The following MATN2 variants were observed in gnomAD, a reference collection of about 807,000 sequenced individuals.
The protein encoded by MATN2 is matrilin-2.
A neutral mutation model predicts 103.2 loss-of-function variants in MATN2; 69 were observed. The observed-to-expected ratio is 0.67, with a 90% confidence interval of 0.55 to 0.82. MATN2 has a LOEUF of 0.82. Ranked by LOEUF, MATN2 falls within the 40% of genes least tolerant of loss-of-function variation. The pLI is 0.00. For missense variants in MATN2, 1,023 were observed against 1,211.5 expected (o/e 0.84, Z 2.31); for synonymous variants, 429 against 450.2 (o/e 0.95, Z 0.60).
chr8:97,953,069 T>A (rs1274764089), intron 4 of MATN2, among the ~76,000 whole-genome samples: 2 of 151,944 alleles, frequency 1.3e-5, no homozygotes, highest in South Asian at 2.1e-4. Flanking sequence ...ACTACAGGTG[T>A]GTGCCACTGT....
chr8:97,964,459 T>C (rs1811420294), intron 5 of MATN2, among the ~76,000 whole-genome samples: 1 of 149,848 alleles, frequency 6.7e-6, no homozygotes, highest in African/African-American at 2.4e-5. Context: ...TTTTTTTTTT[T>C]TTTCTTTTTT....
At chr8:97,909,454 T>G (rs940229780) in intron 2 of MATN2, among the ~76,000 whole-genome samples, 10 of 152,222 alleles carry the variant, frequency 6.6e-5, no homozygotes, top group South Asian at 2.1e-4. Context: ...TCTTTTTCCC[T>G]GCTCCAGCTC....
At chr8:97,974,139 T>G (rs908151494) in intron 5 of MATN2, among the ~76,000 whole-genome samples, 1 of 152,150 alleles carries the variant, frequency 6.6e-6, no homozygotes, top group African/African-American at 2.4e-5. Flanking sequence ...GGTTTTTATT[T>G]TATTTATTTA....
intron 1 of MATN2, among the ~76,000 whole-genome samples, chr8:97,874,257 G>T (rs4551320): frequency 0.089 from 13,540 of 152,172 alleles, 730 homozygotes; most frequent in East Asian, 0.17. Flanking sequence ...TCAGCAGGGA[G>T]AATTTGTTCC....
intron 10 of MATN2, among the ~76,000 whole-genome samples, chr8:98,016,240 G>C (rs150953696): frequency 3.3e-4 from 50 of 152,278 alleles, no homozygotes; most frequent in African/African-American, 1.2e-3. Flanking sequence ...TGGTGTGGTG[G>C]TGCACGCTTG....
intron 1 of MATN2, among the ~76,000 whole-genome samples, chr8:97,885,372 C>T (rs1023560662): frequency 7.3e-5 from 11 of 151,692 alleles, no homozygotes; most frequent in African/African-American, 1.7e-4. Context: ...CCCAGCTACT[C>T]GGGAGGCTTG....
chr8:97,941,899 A>G lies in MATN2; in HGVS notation c.835A>G (p.Ile279Val), dbSNP rs1810582031. ...CAACTCGGATCAGACGACTTGCAGA[A>G]GTAAGATTGCTTTGCTGATGTATTT... ...ILNSDQTTCR[I>V]QDLCAMEDHN... is the part of the protein sequence containing the mutation. The change falls in exon 4 of 19, where the codon ATC becomes GTC. Residue 279 changes from isoleucine (I) to valine (V), a missense_variant and splice_region_variant. Ile to Val is a conservative substitution (Grantham distance 29). Coordinates refer to ENST00000254898, the MANE Select transcript of MATN2 (RefSeq NM_002380.5). 2 of 1,612,608 alleles carry G rather than the reference A, an allele frequency of 1.2e-6. No homozygotes were observed. The highest frequency in any genetic ancestry group is 1.7e-6 in the Non-Finnish European group (2 of 1,179,024).
At position 98,007,196 on chromosome 8, in the gene MATN2, C is replaced by T. The variant is rs1312117213; in HGVS notation, c.1419C>T (p.Phe473=). ...DSFVCQCSEG[F]LINEDLKTCS... is the part of the protein sequence containing the mutation. ...TCGTCTGCCAGTGCTCAGAAGGCTT[C>T]CTCATCAACGAGGACCTCAAGACCT... The change falls in exon 9 of 19, where the codon TTC becomes TTT. Residue 473 remains phenylalanine (F), a synonymous_variant. Transcript: ENST00000254898. The surrounding 1 kb of genome is among the most constrained non-coding windows in gnomAD (Gnocchi z 4.2). The T allele has an allele frequency of 1.2e-6, 2 of 1,613,802 alleles. No homozygotes were observed. The highest frequency in any genetic ancestry group is 1.7e-6 in the Non-Finnish European group (2 of 1,179,888).
chr8:97,869,464 CA>C (rs1817820390), intron 1 of MATN2, among the ~76,000 whole-genome samples, 177 bp downstream of exon 1: 1 of 152,014 alleles, frequency 6.6e-6, no homozygotes, highest in Admixed American at 6.5e-5. Context: ...CCTCCGAGGA[CA>C]GGGGGAGAGG....
intron 6 of MATN2, among the ~76,000 whole-genome samples, chr8:97,988,621 C>T (rs1295835512): frequency 6.6e-6 from 1 of 151,952 alleles, no homozygotes; most frequent in Non-Finnish European, 1.5e-5. Context: ...GTGAGACTCT[C>T]TCCCCAGACC....
At chr8:97,882,160 G>A (rs1008263988) in intron 1 of MATN2, among the ~76,000 whole-genome samples, 1 of 151,476 alleles carries the variant, frequency 6.6e-6, no homozygotes, top group African/African-American at 2.4e-5. Context: ...CTGACCTCAG[G>A]TGATCTGCCC....
At chr8:97,947,364 AAAC>A (rs200832075) in intron 4 of MATN2, among the ~76,000 whole-genome samples, 2,895 of 152,312 alleles carry the variant, frequency 0.019, 84 homozygotes, top group African/African-American at 0.063. Context: ...CTCCGTCTCA[AAAC>A]AACAACAACA....
chr8:97,934,927 AT>A (rs1320252778), intron 3 of MATN2, among the ~76,000 whole-genome samples: 1 of 152,134 alleles, frequency 6.6e-6, no homozygotes, highest in Admixed American at 6.5e-5. Flanking sequence ...TTTTAGCTTA[AT>A]TTTTTTCCTT....
intron 2 of MATN2, among the ~76,000 whole-genome samples, chr8:97,896,264 T>C (rs997900216): frequency 1.4e-4 from 22 of 152,222 alleles, no homozygotes; most frequent in Admixed American, 3.9e-4. Flanking sequence ...AGTTCATTCA[T>C]CTCTAAAAGA....
intron 1 of MATN2, among the ~76,000 whole-genome samples, chr8:97,886,923 A>G (rs1818449403): frequency 6.7e-6 from 1 of 149,868 alleles, no homozygotes. Context: ...TTTTTGAGAT[A>G]GGGTCTCGTG....
At chr8:97,930,192 C>G (rs1259239432) in intron 2 of MATN2, among the ~76,000 whole-genome samples, 1 of 152,216 alleles carries the variant, frequency 6.6e-6, no homozygotes, top group Non-Finnish European at 1.5e-5. Context: ...CAGCTATTGT[C>G]AGGACGACAC....
intron 3 of MATN2, among the ~76,000 whole-genome samples, 200 bp from the exon 4 acceptor site, chr8:97,941,577 C>T (rs1280581376): frequency 1.3e-5 from 2 of 152,188 alleles, no homozygotes; most frequent in African/African-American, 4.8e-5. Flanking sequence ...AACACTGTTT[C>T]TCTTTGATTT....
At chr8:97,956,715 C>T (rs969652913) in intron 4 of MATN2, among the ~76,000 whole-genome samples, 22 of 152,186 alleles carry the variant, frequency 1.4e-4, no homozygotes, top group African/African-American at 5.3e-4. Flanking sequence ...AGCTCTGCCT[C>T]TGGAGTTGAG....
At chr8:97,981,053 G>A (rs1812002680) in intron 6 of MATN2, among the ~76,000 whole-genome samples, 1 of 151,634 alleles carries the variant, frequency 6.6e-6, no homozygotes, top group Admixed American at 6.6e-5. Context: ...ATGGTGACAA[G>A]TGTCTGTACT....
Sources: allele counts gnomAD v4.1 joint callset (sites outside exome capture counted in the v4.1 genomes callset), GRCh38; gene constraint gnomAD v4.1.1; non-coding constraint Gnocchi (gnomAD v3.1); transcripts MANE v1.5; gene names NCBI Gene and HGNC (gene_info 2026-07-23, HGNC 2026-07-21).